RAB27B: variants seen among roughly 807,000 people sequenced by gnomAD.
RAB27B encodes ras-related protein Rab-27B.
In RAB27B, 15 loss-of-function variants were observed where a neutral mutation model predicts 24.6. The observed-to-expected ratio is 0.61, with a 90% CI of 0.41 to 0.94. The LOEUF (loss-of-function observed/expected upper bound fraction) is 0.94, where lower values mean the gene tolerates loss of function less well. Among genes scored for constraint, RAB27B ranks in the 40% least tolerant of loss-of-function variants. The pLI, the probability that RAB27B is intolerant of heterozygous loss-of-function variation, is 0.00. For missense variants in RAB27B, 261 were observed against 266.8 expected (o/e 0.98, Z 0.15); for synonymous variants, 105 against 92.5 (o/e 1.14, Z -0.78).
In RAB27B at chr18:54,804,896, TTCTCTCTC is replaced by T. The variant is rs145922058; in HGVS notation, c.-19-72667_-19-72660del. On this transcript the variant is annotated intron_variant, in intron 2 of 4. Coordinates refer to the RAB27B transcript ENST00000586570. The stretch of plus-strand genomic sequence containing the variant: ...TTCTTTTTTCTTTCTTTCTTTCTCT[TTCTCTCTC>T]TCTTTCTTTCTTTCTTTCTTTCTTT... Among the ~76,000 whole-genome samples the T allele has an allele frequency of 5.3e-3, 96 of 18,232 alleles. 4 individuals are homozygous for T. The East Asian group carries it at 0.24, about 46-fold the overall frequency. 12.0% of individuals were successfully genotyped at this position (18,232 alleles called of 152,430 possible).
chr18:54,830,305 C>T lies in RAB27B; in HGVS notation c.-20+1605C>T, dbSNP rs116984088. ...GGAAAAATGGAAGTTATCCAAATGT[C>T]CAGGTAGTTCAGAATAGAAACCTGC... is the stretch of plus-strand genomic sequence containing the variant. On this transcript the variant is annotated intron_variant, in intron 1 of 5. Transcript: ENST00000262094. Among the ~76,000 whole-genome samples the T allele has an allele frequency of 6.0e-3, 913 of 152,274 alleles. 8 individuals carry two copies. Among genetic ancestry groups the T allele is most frequent in the South Asian group, 0.015 (74 of 4,812 alleles).
intron 2 of RAB27B, among the ~76,000 whole-genome samples, chr18:54,791,756 G>A (rs2145112284): frequency 6.6e-6 from 1 of 152,336 alleles, no homozygotes; most frequent in South Asian, 2.1e-4. Context: ...GTCAAGAGGA[G>A]CATATCAGCA....
intron 2 of RAB27B, among the ~76,000 whole-genome samples, chr18:54,799,819 G>A (rs12966942): frequency 0.34 from 51,811 of 151,504 alleles, 9,129 homozygotes; most frequent in East Asian, 0.42. Context: ...TAGTAGAGAC[G>A]GGGTTTCACC....
chr18:54,884,198 C>A, intron 3 of RAB27B, 135 bp from the exon 4 acceptor site: 2 of 558,658 alleles, frequency 3.6e-6, no homozygotes, highest in Non-Finnish European at 6.4e-6. Flanking sequence ...TCTCTGCCCA[C>A]ATTCCCATTT....
intron 2 of RAB27B, among the ~76,000 whole-genome samples, chr18:54,760,541 G>A (rs920327538): frequency 6.6e-6 from 1 of 152,192 alleles, no homozygotes; most frequent in Non-Finnish European, 1.5e-5. Flanking sequence ...AGGGGTCAAG[G>A]ATGGAAGCAG....
intron 3 of RAB27B, among the ~76,000 whole-genome samples, chr18:54,882,685 C>T (rs536695849): frequency 6.6e-6 from 1 of 152,236 alleles, no homozygotes; most frequent in South Asian, 2.1e-4. Flanking sequence ...TGTGTGAAAG[C>T]CCAGGGGAGC....
chr18:54,791,873 C>T (rs978816207), intron 2 of RAB27B, among the ~76,000 whole-genome samples: 5 of 152,252 alleles, frequency 3.3e-5, no homozygotes, highest in Admixed American at 2.0e-4. Flanking sequence ...ACCCGCGGGA[C>T]GAGGTGGAGT....
chr18:54,828,911 A>G (rs1370376056), intron 1 of RAB27B, among the ~76,000 whole-genome samples: 1 of 152,234 alleles, frequency 6.6e-6, no homozygotes, highest in African/African-American at 2.4e-5. Context: ...GGCCAACTCG[A>G]CCTGGCTCTC....
At chr18:54,779,362 T>C (rs1908818603) in intron 2 of RAB27B, among the ~76,000 whole-genome samples, 2 of 152,136 alleles carry the variant, frequency 1.3e-5, no homozygotes, top group Admixed American at 1.3e-4. Flanking sequence ...ATCAAAAGTA[T>C]AGGTTTTGGA....
intron 1 of RAB27B, among the ~76,000 whole-genome samples, chr18:54,840,969 A>C: frequency 6.6e-6 from 1 of 152,086 alleles, no homozygotes; most frequent in Non-Finnish European, 1.5e-5. Context: ...CAACATGGTG[A>C]AACCCCGTCT....
At chr18:54,821,792 C>T (rs923785328) in intron 2 of RAB27B, among the ~76,000 whole-genome samples, 5 of 152,210 alleles carry the variant, frequency 3.3e-5, no homozygotes, top group South Asian at 2.1e-4. Context: ...TCACGCTTGT[C>T]GCCCAGGCTG....
chr18:54,835,567 T>C (rs1910861802), intron 1 of RAB27B, among the ~76,000 whole-genome samples: 1 of 151,914 alleles, frequency 6.6e-6, no homozygotes, highest in Non-Finnish European at 1.5e-5. Flanking sequence ...AAAACATACG[T>C]TACAGGAAAA....
chr18:54,797,812 A>T (rs533409660), intron 2 of RAB27B, among the ~76,000 whole-genome samples: 1 of 152,156 alleles, frequency 6.6e-6, no homozygotes, highest in Admixed American at 6.5e-5. Flanking sequence ...ATTTTTAAAG[A>T]CAGTTTATTT....
chr18:54,822,563 G>A (rs921452642), intron 2 of RAB27B, among the ~76,000 whole-genome samples: 3 of 152,124 alleles, frequency 2.0e-5, no homozygotes, highest in Admixed American at 2.0e-4. Flanking sequence ...ATTTGCATAT[G>A]ACTATACTTA....
intron 1 of RAB27B, among the ~76,000 whole-genome samples, chr18:54,853,707 G>A (rs557393260): frequency 2.0e-5 from 3 of 152,148 alleles, no homozygotes; most frequent in South Asian, 4.1e-4. Context: ...TTTTTAATGG[G>A]TATTACTGTT....
At chr18:54,808,775 G>A (rs1241488999) in intron 2 of RAB27B, among the ~76,000 whole-genome samples, 3 of 152,114 alleles carry the variant, frequency 2.0e-5, no homozygotes, top group African/African-American at 7.2e-5. Flanking sequence ...TACAGTTAAA[G>A]ACTCCCCATA....
intron 2 of RAB27B, among the ~76,000 whole-genome samples, chr18:54,740,660 G>A (rs1910043414): frequency 6.6e-6 from 1 of 152,186 alleles, no homozygotes; most frequent in African/African-American, 2.4e-5. Context: ...TTTCTAATTA[G>A]TTAGATCTAG....
intron 2 of RAB27B, among the ~76,000 whole-genome samples, chr18:54,762,978 A>G (rs1281003915): frequency 1.3e-5 from 2 of 152,068 alleles, no homozygotes; most frequent in Admixed American, 1.3e-4. Context: ...AAAGAAATTT[A>G]TTTTCCTTCA....
chr18:54,755,860 A>G (rs1460732593), intron 2 of RAB27B, among the ~76,000 whole-genome samples: 3 of 152,326 alleles, frequency 2.0e-5, no homozygotes, highest in African/African-American at 7.2e-5. Flanking sequence ...TTATTAAACT[A>G]TTGCACAAGG....
Sources: allele counts gnomAD v4.1 joint callset (sites outside exome capture counted in the v4.1 genomes callset), GRCh38; gene constraint gnomAD v4.1.1; transcripts MANE v1.5; gene names NCBI Gene and HGNC (gene_info 2026-07-23, HGNC 2026-07-21).